The following MKRN2OS variants were observed in gnomAD, a reference collection of about 807,000 sequenced individuals.
MKRN2OS encodes the protein MKRN2 opposite strand.
Under a neutral mutation model 18.2 loss-of-function variants are expected in MKRN2OS, and 17 were observed. That is an observed-to-expected ratio of 0.93 (90% CI 0.64 to 1.40). The LOEUF is 1.40. Among genes scored for constraint, MKRN2OS ranks in the 40% most tolerant of loss-of-function variants. MKRN2OS has a pLI of 0.00. For missense variants in MKRN2OS, 337 were observed against 283.0 expected (o/e 1.19, Z -1.37); for synonymous variants, 121 against 108.5 (o/e 1.12, Z -0.72).
chr3:12,553,297 A>G (rs2057942934), downstream of MKRN2OS, among the ~76,000 whole-genome samples: 1 of 152,196 alleles, frequency 6.6e-6, no homozygotes, highest in Non-Finnish European at 1.5e-5. Context: ...CAAATAGATG[A>G]TTTATAGAAA....
chr3:12,557,984 G>T (rs574294311), intron 1 of MKRN2OS, among the ~76,000 whole-genome samples: 1 of 152,328 alleles, frequency 6.6e-6, no homozygotes, highest in African/African-American at 2.4e-5. Flanking sequence ...GTCAGCTTGT[G>T]GCTTACTGGT....
intron 1 of MKRN2OS, among the ~76,000 whole-genome samples, chr3:12,556,590 TG>T (rs1299993298): frequency 1.3e-5 from 2 of 151,414 alleles, no homozygotes; most frequent in Admixed American, 6.6e-5. Flanking sequence ...CTAAAACTTG[TG>T]GAAGTAGAGA....
downstream of MKRN2OS, among the ~76,000 whole-genome samples, chr3:12,551,504 A>G (rs1038415496): frequency 2.0e-5 from 3 of 152,166 alleles, no homozygotes; most frequent in Non-Finnish European, 4.4e-5. Flanking sequence ...CAAAAAAAAA[A>G]AAAGTGTATT....
upstream of MKRN2OS, chr3:12,545,703 A>C: frequency 2.7e-6 from 1 of 368,082 alleles, no homozygotes; most frequent in Non-Finnish European, 4.8e-6. Context: ...GATAACTGCC[A>C]GCTCCTATTC....
intron 1 of MKRN2OS, among the ~76,000 whole-genome samples, chr3:12,554,688 T>A (rs1343896303): frequency 6.6e-6 from 1 of 152,202 alleles, no homozygotes; most frequent in East Asian, 1.9e-4. Flanking sequence ...GAAGAGGCTC[T>A]ATGTACTGAT....
chr3:12,543,002 A>G (rs997679384), intron 2 of MKRN2OS, among the ~76,000 whole-genome samples, 178 bp downstream of exon 2: 1 of 152,194 alleles, frequency 6.6e-6, no homozygotes, highest in Admixed American at 6.5e-5. Context: ...TGTTAGTGAT[A>G]ATTTGCCATA....
chr3:12,541,124 A>G (rs1402432810), intron 3 of MKRN2OS, among the ~76,000 whole-genome samples: 1 of 152,092 alleles, frequency 6.6e-6, no homozygotes, highest in East Asian at 1.9e-4. Context: ...TAAATCCACA[A>G]ACATGCTATA....
intron 2 of MKRN2OS, among the ~76,000 whole-genome samples, chr3:12,542,329 A>G (rs1263207429): frequency 6.6e-6 from 1 of 152,216 alleles, no homozygotes; most frequent in Non-Finnish European, 1.5e-5. Flanking sequence ...CAGGATCATC[A>G]TCTCCAATAT....
intron 1 of MKRN2OS, among the ~76,000 whole-genome samples, chr3:12,558,233 T>G (rs1466766160): frequency 2.6e-5 from 4 of 152,234 alleles, no homozygotes; most frequent in Admixed American, 2.6e-4. Context: ...ACTGTTCAAT[T>G]TATCCAAGGC....
chr3:12,541,965 T>C lies in MKRN2OS; in HGVS notation c.326A>G (p.Glu109Gly), dbSNP rs2057820906. 6.5e-7 allele frequency: 1 copy of C among 1,536,076 alleles called. No individual in the cohort carries two copies. The change falls in exon 3 of 4, where the codon GAG becomes GGG. Residue 109 changes from glutamate to glycine, a missense_variant. Coordinates refer to ENST00000564146, the MANE Select transcript of MKRN2OS (RefSeq NM_001195279.2). Reference sequence around the variant, plus strand: ...CTGCAGTAATGGGATGCTTATGCTCTCTTCCCACCCTTCTCCGTCTCGCTG... The same window carrying C: ...CTGCAGTAATGGGATGCTTATGCTCCCTTCCCACCCTTCTCCGTCTCGCTG... ...GVQRDGEGWE[E>G]SISIPLLQPN...
At chr3:12,552,567 AC>A (rs1376008395), downstream of MKRN2OS, among the ~76,000 whole-genome samples, 1 of 151,332 alleles carries the variant, frequency 6.6e-6, no homozygotes, top group Non-Finnish European at 1.5e-5. Context: ...ATGCACCACC[AC>A]ACCTGAATAA....
chr3:12,550,438 T>C (rs2057921474), upstream of MKRN2OS, among the ~76,000 whole-genome samples: 1 of 152,174 alleles, frequency 6.6e-6, no homozygotes, highest in African/African-American at 2.4e-5. Flanking sequence ...GAGGGATAAA[T>C]AGGCAGAGTA....
At chr3:12,550,663 T>G (rs970789241), downstream of MKRN2OS, among the ~76,000 whole-genome samples, 3 of 152,218 alleles carry the variant, frequency 2.0e-5, no homozygotes, top group Admixed American at 6.5e-5. Flanking sequence ...TTAATAAACT[T>G]TCACTGCTGC....
upstream of MKRN2OS, among the ~76,000 whole-genome samples, chr3:12,546,873 C>A (rs2057889678): frequency 6.6e-6 from 1 of 152,164 alleles, no homozygotes; most frequent in Non-Finnish European, 1.5e-5. Flanking sequence ...CCACCGCACC[C>A]AGCCTACATG....
downstream of MKRN2OS, among the ~76,000 whole-genome samples, chr3:12,552,649 G>GTTCT (rs2057938010): frequency 6.6e-6 from 1 of 151,550 alleles, no homozygotes; most frequent in Admixed American, 6.6e-5. Context: ...GACCTCAGGT[G>GTTCT]ATTTGCTCAC....
intron 1 of MKRN2OS, 60 bp downstream of exon 1, chr3:12,545,187 T>C: frequency 7.6e-7 from 1 of 1,323,310 alleles, no homozygotes; most frequent in Non-Finnish European, 1.0e-6. Context: ...GAAACTTTAG[T>C]GACTAAAACA....
At chr3:12,556,420 G>A (rs933455403) in intron 1 of MKRN2OS, among the ~76,000 whole-genome samples, 1 of 152,126 alleles carries the variant, frequency 6.6e-6, no homozygotes, top group Non-Finnish European at 1.5e-5. Flanking sequence ...TAGAAGGGAC[G>A]GTGGAAAGGG....
At chr3:12,544,134 GA>G (rs1379407941) in intron 1 of MKRN2OS, among the ~76,000 whole-genome samples, 1 of 152,174 alleles carries the variant, frequency 6.6e-6, no homozygotes, top group African/African-American at 2.4e-5. Flanking sequence ...ATAGGGACCA[GA>G]AGGAAATTAA....
At chr3:12,544,792 C>CT (rs1441455984) in intron 1 of MKRN2OS, among the ~76,000 whole-genome samples, 2 of 152,198 alleles carry the variant, frequency 1.3e-5, no homozygotes, top group Non-Finnish European at 2.9e-5. Context: ...CAGGTGGTGT[C>CT]TACAGTGGAA....
Sources: allele counts gnomAD v4.1 joint callset (sites outside exome capture counted in the v4.1 genomes callset), GRCh38; gene constraint gnomAD v4.1.1; transcripts MANE v1.5; gene names NCBI Gene and HGNC (gene_info 2026-07-23, HGNC 2026-07-21).